JADE2: variants seen among roughly 807,000 people sequenced by gnomAD.
JADE2 encodes the protein jade family PHD finger 2.
A neutral mutation model predicts 85.7 loss-of-function variants in JADE2; 13 were observed. The ratio of observed to expected loss-of-function variants is 0.15; its 90% CI spans 0.10 to 0.24. JADE2 has a LOEUF of 0.24. Among genes scored for constraint, JADE2 ranks in the 10% least tolerant of loss-of-function variants. The pLI, the probability that JADE2 is intolerant of heterozygous loss-of-function variation, is 1.00. For missense variants in JADE2, 846 were observed against 1,115.9 expected, an observed-to-expected ratio of 0.76 and a Z score of 3.45; for synonymous variants, 440 against 456.1, an observed-to-expected ratio of 0.96 and a Z score of 0.45.
At position 134,579,419 on chromosome 5, in the gene JADE2, C is replaced by A; in HGVS notation, c.*102C>A. 2.3e-6 allele frequency: 2 copies of A among 880,868 alleles called. No homozygotes were observed. Among genetic ancestry groups the A allele is most frequent in the East Asian group, 2.7e-5 (1 of 37,542 alleles). The allele number at this position is 880,868 out of a possible 1,614,324, so 54.6% of individuals were successfully genotyped here. A position where few individuals can be genotyped will look rare whatever the true frequency, so the allele number is the denominator to read the frequency against. On this transcript the variant is annotated 3_prime_UTR_variant, in exon 12 of 12. Transcript: ENST00000681547. The surrounding 1 kb of genome is among the most constrained non-coding windows in gnomAD (Gnocchi z 4.6). ...GTCTCTGCTGAGTGTCCCAGACCCT[C>A]GAGGCTGCCACTCCGTCGTGGTTTT... is the stretch of plus-strand genomic sequence containing the variant.
At chr5:134,539,163 G>A (rs1038183603) in intron 3 of JADE2, among the ~76,000 whole-genome samples, 3 of 151,656 alleles carry the variant, frequency 2.0e-5, no homozygotes, top group Non-Finnish European at 4.4e-5. Context: ...TTGGGTTCAC[G>A]CCATTCTCCT....
Position 134,557,428 on chromosome 5 carries a change from G to A in JADE2, c.312-2402G>A, listed in dbSNP as rs1405175889. Among the ~76,000 whole-genome samples, 393 of 114,186 alleles carry A rather than the reference G, an allele frequency of 3.4e-3. 5 individuals are homozygous for A. Among genetic ancestry groups the A allele is most frequent in the African/African-American group, 0.012 (364 of 29,700 alleles). 74.9% of individuals were successfully genotyped at this position (114,186 alleles called of 152,430 possible). A position where few individuals can be genotyped will look rare whatever the true frequency, so the allele number is the denominator to read the frequency against. On this transcript the variant is annotated intron_variant, in intron 4 of 11. Coordinates refer to ENST00000681547, the MANE Select transcript of JADE2 (RefSeq NM_001388185.1). ...AAGTTTTAGGGTACATGTGCACATTGTGCAGGTTTGTTACATATGTATACA... is the reference window on the plus strand; with the variant it reads ...AAGTTTTAGGGTACATGTGCACATTATGCAGGTTTGTTACATATGTATACA...
At chr5:134,561,595 G>T (rs1378741842) in intron 6 of JADE2, among the ~76,000 whole-genome samples, 1 of 152,176 alleles carries the variant, frequency 6.6e-6, no homozygotes, top group Admixed American at 6.5e-5. Context: ...GGACCTAGTG[G>T]ACCCACTCTG....
chr5:134,554,222 G>A (rs779943263), intron 4 of JADE2, among the ~76,000 whole-genome samples: 2 of 152,194 alleles, frequency 1.3e-5, no homozygotes, highest in African/African-American at 2.4e-5. Flanking sequence ...AAGGGGAGGG[G>A]TCAGGCAATC....
intron 1 of JADE2, among the ~76,000 whole-genome samples, chr5:134,532,802 C>T (rs527819880): frequency 4.6e-5 from 7 of 152,312 alleles, no homozygotes; most frequent in African/African-American, 1.7e-4. Context: ...AAAAAGCTGA[C>T]ATAGTGCGGT....
rs763577990 is a variant in JADE2, at chr5:134,537,970, G to A, written c.59-19G>A. On this transcript the variant is annotated intron_variant, in intron 2 of 11. Transcript: ENST00000681547. ...TCCTGGCCCTCCAGGACCCCTAATG[G>A]ACTGTTCTCTCTCTGCAGGTCATGC... 9 of 1,604,930 alleles carry A rather than the reference G, an allele frequency of 5.6e-6. No homozygotes were observed. The Admixed American group carries it at 1.3e-4, about 24-fold the overall frequency.
At position 134,576,907 on chromosome 5, in the gene JADE2, G is replaced by T; in HGVS notation, c.1681+11G>T. 6.5e-7 allele frequency: 1 copy of T among 1,527,874 alleles called. No individual in the cohort carries two copies. The highest frequency in any genetic ancestry group is 8.8e-7 in the Non-Finnish European group (1 of 1,136,534). 94.6% of individuals were successfully genotyped at this position (1,527,874 alleles called of 1,614,324 possible). ...TCCTGGGGCAGCTGGGTGAGTGAGGGCCATGCTGGCCTGCAGACACGGCAG... is the reference window on the plus strand; with the variant it reads ...TCCTGGGGCAGCTGGGTGAGTGAGGTCCATGCTGGCCTGCAGACACGGCAG... On this transcript the variant is annotated intron_variant, in intron 11 of 11. Coordinates refer to ENST00000681547, the MANE Select transcript of JADE2 (RefSeq NM_001388185.1).
Position 134,566,644 on chromosome 5 carries a change from A to T in JADE2, c.1434+64A>T. 3 of 1,210,390 alleles carry T rather than the reference A, an allele frequency of 2.5e-6. No homozygotes were observed. The highest frequency in any genetic ancestry group is 3.0e-5 in the South Asian group (2 of 67,794). 75.0% of individuals were successfully genotyped at this position (1,210,390 alleles called of 1,614,324 possible). ...GGTCCAGGAGTCCTTTCCATGCCAC[A>T]CTCACTGCCCTGGAGCAGCTAGGAC... On this transcript the variant is annotated intron_variant, in intron 9 of 11. Coordinates refer to ENST00000681547, the MANE Select transcript of JADE2 (RefSeq NM_001388185.1). This position sits in a 1 kb window ranked among gnomAD's most constrained non-coding sequence, Gnocchi z 6.7.
intron 3 of JADE2, among the ~76,000 whole-genome samples, chr5:134,539,491 G>A (rs908407881): frequency 3.3e-5 from 5 of 152,196 alleles, no homozygotes; most frequent in African/African-American, 7.2e-5. Context: ...GAGCCACCGC[G>A]CCCGGCCAAT....
Position 134,566,279 on chromosome 5 carries a change from C to T in JADE2, c.1133C>T (p.Thr378Met), listed in dbSNP as rs747052349. The T allele has an allele frequency of 7.4e-6, 12 of 1,614,154 alleles. No homozygotes were observed. The highest frequency in any genetic ancestry group is 1.7e-5 in the Admixed American group (1 of 60,026). ...CGTAATGAGCCCACATCTGAGCCCA[C>T]GGAACCCAGCCAGGCTGGCGAGGAC... Reference protein sequence around the residue: ...GPRNEPTSEPTEPSQAGEDLE... With the variant: ...GPRNEPTSEPMEPSQAGEDLE... The change falls in exon 9 of 12, where the codon ACG (threonine) becomes ATG (methionine). Residue 378 changes from threonine (T) to methionine (M), a missense_variant. Thr to Met is a moderately conservative substitution (Grantham distance 81, BLOSUM62 -1). Around this residue, in one of 9 missense-constraint regions of JADE2, gnomAD observed 88 missense variants for 140.6 expected, o/e 0.63. Coordinates refer to ENST00000681547, the MANE Select transcript of JADE2 (RefSeq NM_001388185.1). This position sits in a 1 kb window ranked among gnomAD's most constrained non-coding sequence, Gnocchi z 6.7.
At position 134,578,769 on chromosome 5, in the gene JADE2, C is replaced by T; in HGVS notation, c.1957C>T (p.Pro653Ser). The change falls in exon 12 of 12, where the codon CCA (proline) becomes TCA (serine). Residue 653 changes from proline to serine, a missense_variant. Pro to Ser is a moderately conservative substitution (Grantham distance 74). Transcript: ENST00000681547. This position sits in a 1 kb window ranked among gnomAD's most constrained non-coding sequence, Gnocchi z 4.4. ...RLPAKKKPPP[P>S]PPQDGPGSRT... ...GCCTGCCAAGAAGAAACCACCACCA[C>T]CACCACCGCAGGACGGGCCTGGTTC... 2.5e-6 allele frequency: 4 copies of T among 1,613,776 alleles called. No individual in the cohort carries two copies. The South Asian group carries it at 4.4e-5, about 18-fold the overall frequency.
intron 9 of JADE2, among the ~76,000 whole-genome samples, chr5:134,572,479 AG>A (rs1764094583): frequency 1.3e-5 from 2 of 152,244 alleles, no homozygotes; most frequent in Non-Finnish European, 1.5e-5. Context: ...GCCAACAGGC[AG>A]GGGGTCTGGA....
At chr5:134,537,964 C>G (rs775328331) in intron 2 of JADE2, 25 bp from the exon 3 acceptor site, 6 of 1,595,580 alleles carry the variant, frequency 3.8e-6, no homozygotes, top group South Asian at 2.2e-5. Context: ...TCCAGGACCC[C>G]TAATGGACTG....
chr5:134,562,104 T>C lies in JADE2; in HGVS notation c.685-96T>C, dbSNP rs1294040722. ...AGAGATGGGAGGCTGTGTAGCAGTG[T>C]AGCATGGGGCTGGCACTGGACCAAA... On this transcript the variant is annotated intron_variant, in intron 6 of 11. Coordinates refer to ENST00000681547, the MANE Select transcript of JADE2 (RefSeq NM_001388185.1). The surrounding 1 kb of genome is among the most constrained non-coding windows in gnomAD (Gnocchi z 4.6). The C allele has an allele frequency of 8.2e-7, 1 of 1,220,856 alleles. No homozygotes were observed. Among genetic ancestry groups the C allele is most frequent in the Non-Finnish European group, 1.2e-6 (1 of 869,484 alleles). 75.6% of individuals were successfully genotyped at this position (1,220,856 alleles called of 1,614,324 possible).
intron 1 of JADE2, 109 bp downstream of exon 1, chr5:134,526,120 C>T (rs1457585789): frequency 2.0e-6 from 2 of 984,794 alleles, no homozygotes; most frequent in Admixed American, 6.1e-5. Flanking sequence ...CTCTTGCTCG[C>T]TCGCTCCCTC....
At chr5:134,546,290 C>T (rs945011881) in intron 3 of JADE2, among the ~76,000 whole-genome samples, 2 of 152,024 alleles carry the variant, frequency 1.3e-5, no homozygotes, top group Non-Finnish European at 2.9e-5. Context: ...CGCTTGAGCC[C>T]CCCAGGTAGT....
At chr5:134,526,044 G>GC (rs1394970343) in intron 1 of JADE2, 33 bp downstream of exon 1, 1 of 985,318 alleles carries the variant, frequency 1.0e-6, no homozygotes, top group Non-Finnish European at 1.2e-6. Context: ...TGGGCCCTGC[G>GC]CATCTCCACG....
At chr5:134,535,362 A>T (rs1015262018) in intron 1 of JADE2, among the ~76,000 whole-genome samples, 1 of 152,162 alleles carries the variant, frequency 6.6e-6, no homozygotes, top group South Asian at 2.1e-4. Context: ...CACCACTCGC[A>T]GGACTAGGCC....
intron 1 of JADE2, among the ~76,000 whole-genome samples, chr5:134,534,143 C>G (rs17167604): frequency 0.018 from 2,683 of 152,230 alleles, 72 homozygotes; most frequent in African/African-American, 0.062. Context: ...AGCACGGTCT[C>G]CTGAATCAAA....
Sources: gnomAD v4.1 joint callset for allele counts (sites outside exome capture counted in the v4.1 genomes callset) on GRCh38, gnomAD v4.1.1 for gene constraint, gnomAD v4.1.1 regional missense constraint, Gnocchi (gnomAD v3.1) non-coding constraint, MANE v1.5 for transcripts, NCBI Gene and HGNC (gene_info 2026-07-23, HGNC 2026-07-21) for gene names.